SUGCT: variants seen among roughly 807,000 people sequenced by gnomAD.
The protein encoded by SUGCT is succinyl-CoA:glutarate-CoA transferase, also known as succinyl-CoA:glutarate CoA-transferase.
Under a neutral mutation model 55.0 loss-of-function variants are expected in SUGCT, and 41 were observed. The observed-to-expected ratio is 0.74, with a 90% confidence interval of 0.58 to 0.97. The LOEUF is 0.97. Among genes scored for constraint, SUGCT ranks in the 50% least tolerant of loss-of-function variants. The pLI is 0.00. For synonymous variants in SUGCT, 187 were observed against 200.4 expected (o/e 0.93, Z 0.56); for missense variants, 568 against 547.8 (o/e 1.04, Z -0.37).
At chr7:40,867,223 T>C in the SUGCT span, among the ~76,000 whole-genome samples, 1 of 149,618 alleles carries the variant, frequency 6.7e-6, no homozygotes, top group Admixed American at 6.7e-5. Context: ...CCCCCATATA[T>C]ATGTCTCTAT....
chr7:40,535,945 T>C (rs553524242), intron 12 of SUGCT, among the ~76,000 whole-genome samples: 1 of 152,334 alleles, frequency 6.6e-6, no homozygotes, highest in East Asian at 1.9e-4. Context: ...TTTTCTTATG[T>C]TTGTTGGCCG....
the SUGCT span, among the ~76,000 whole-genome samples, chr7:40,885,352 T>C: frequency 6.6e-6 from 1 of 152,174 alleles, no homozygotes; most frequent in Non-Finnish European, 1.5e-5. Flanking sequence ...TTCTTCCTTC[T>C]TTTAATGGAG....
chr7:40,730,296 G>A (rs1056218857), intron 12 of SUGCT, among the ~76,000 whole-genome samples: 4 of 151,980 alleles, frequency 2.6e-5, no homozygotes, highest in African/African-American at 4.8e-5. Context: ...TAGTAGAGAT[G>A]GGGTTTCACC....
intron 1 of SUGCT, among the ~76,000 whole-genome samples, chr7:40,172,439 C>T (rs375930132): frequency 2.6e-5 from 4 of 152,146 alleles, no homozygotes; most frequent in Admixed American, 6.5e-5. Context: ...CACAGCGTAG[C>T]GCTTCCTTAG....
At chr7:40,811,021 C>G (rs1057318294) in intron 13 of SUGCT, among the ~76,000 whole-genome samples, 12 of 152,156 alleles carry the variant, frequency 7.9e-5, no homozygotes, top group African/African-American at 2.4e-4. Flanking sequence ...ATAGGGAATC[C>G]TTTCCCCATT....
intron 12 of SUGCT, among the ~76,000 whole-genome samples, chr7:40,592,523 T>C (rs1396141003): frequency 6.6e-6 from 1 of 152,174 alleles, no homozygotes; most frequent in East Asian, 1.9e-4. Flanking sequence ...GGAAACTTCG[T>C]ATACTATAAA....
intron 9 of SUGCT, among the ~76,000 whole-genome samples, chr7:40,443,940 T>C (rs545569695): frequency 9.8e-5 from 15 of 152,338 alleles, no homozygotes; most frequent in African/African-American, 2.9e-4. Context: ...TTTCTACATA[T>C]GGCTAGCCAG....
chr7:40,411,256 G>A (rs1323084287), intron 9 of SUGCT, among the ~76,000 whole-genome samples: 1 of 152,238 alleles, frequency 6.6e-6, no homozygotes, highest in South Asian at 2.1e-4. Context: ...AGTTGATCAT[G>A]GTGGCACATA....
At chr7:40,415,214 G>GAGCCTC (rs1280618530) in intron 9 of SUGCT, among the ~76,000 whole-genome samples, 1 of 144,470 alleles carries the variant, frequency 6.9e-6, no homozygotes, top group East Asian at 2.0e-4. Flanking sequence ...AGGTTGCAAT[G>GAGCCTC]AGCCTCAATG....
chr7:40,650,127 C>T (rs1800704466), intron 12 of SUGCT, among the ~76,000 whole-genome samples: 1 of 152,172 alleles, frequency 6.6e-6, no homozygotes, highest in African/African-American at 2.4e-5. Context: ...TGCACAGGCT[C>T]TTGGATGGAG....
chr7:40,960,762 A>G, the SUGCT span, among the ~76,000 whole-genome samples: 1 of 152,186 alleles, frequency 6.6e-6, no homozygotes, highest in African/African-American at 2.4e-5. Context: ...CCATTTTCAT[A>G]CAGTCTTCAG....
At chr7:40,929,953 T>C in the SUGCT span, among the ~76,000 whole-genome samples, 1 of 152,236 alleles carries the variant, frequency 6.6e-6, no homozygotes, top group Non-Finnish European at 1.5e-5. Flanking sequence ...TTTTGGCTTT[T>C]GTTGCCATTG....
chr7:40,977,507 G>A, the SUGCT span, among the ~76,000 whole-genome samples: 1 of 152,302 alleles, frequency 6.6e-6, no homozygotes, highest in Non-Finnish European at 1.5e-5. Flanking sequence ...GTATGCTATA[G>A]GAAAAAGAAT....
intron 12 of SUGCT, among the ~76,000 whole-genome samples, chr7:40,540,981 G>A (rs1178228957): frequency 1.3e-5 from 2 of 152,106 alleles, no homozygotes; most frequent in Non-Finnish European, 2.9e-5. Context: ...TTGTGTTTAT[G>A]TTTTATTTGT....
intron 12 of SUGCT, among the ~76,000 whole-genome samples, chr7:40,586,474 G>T (rs1797388072): frequency 6.6e-6 from 1 of 152,206 alleles, no homozygotes; most frequent in Non-Finnish European, 1.5e-5. Context: ...TGAACTGTGA[G>T]TTAGAGAAGT....
the SUGCT span, among the ~76,000 whole-genome samples, chr7:41,027,873 C>T: frequency 2.6e-3 from 403 of 152,238 alleles, 9 homozygotes; most frequent in South Asian, 0.06. Context: ...TCACAACATG[C>T]GGGGGCTCCA....
At chr7:40,684,251 C>T (rs1287209039) in intron 12 of SUGCT, 11 of 1,372,748 alleles carry the variant, frequency 8.0e-6, no homozygotes, top group African/African-American at 1.5e-5. Flanking sequence ...TATTCATTTA[C>T]ATCACAGGTT....
chr7:40,703,763 A>C (rs1785270992), intron 12 of SUGCT, among the ~76,000 whole-genome samples: 1 of 152,248 alleles, frequency 6.6e-6, no homozygotes, highest in Non-Finnish European at 1.5e-5. Flanking sequence ...TTCTTCATGC[A>C]GTGCTTCAAG....
downstream of SUGCT, among the ~76,000 whole-genome samples, chr7:40,865,029 CTT>C (rs553432346): frequency 1.3e-5 from 2 of 152,108 alleles, no homozygotes; most frequent in Non-Finnish European, 1.5e-5. Flanking sequence ...CTCTTTCTCT[CTT>C]TGTCCTGATT....
Sources: allele counts gnomAD v4.1 joint callset (sites outside exome capture counted in the v4.1 genomes callset), GRCh38; gene constraint gnomAD v4.1.1; transcripts MANE v1.5; gene names NCBI Gene and HGNC (gene_info 2026-07-23, HGNC 2026-07-21).